KIF27: variants seen among roughly 807,000 people sequenced by gnomAD.
KIF27 encodes kinesin-like protein KIF27.
In KIF27, 84 loss-of-function variants were observed where a neutral mutation model predicts 141.8. That is an observed-to-expected ratio of 0.59 (90% CI 0.50 to 0.71). The LOEUF is 0.71. Ranked by LOEUF, KIF27 falls within the 30% of genes least tolerant of loss-of-function variation. KIF27 has a pLI of 0.00. For synonymous variants in KIF27, 471 were observed against 569.5 expected, an observed-to-expected ratio of 0.83 and a Z score of 2.46; for missense variants, 1,306 against 1,628.4, an observed-to-expected ratio of 0.80 and a Z score of 3.41.
chr9:83,872,953 C>T (rs1159581716), intron 11 of KIF27, among the ~76,000 whole-genome samples: 6 of 152,158 alleles, frequency 3.9e-5, no homozygotes, highest in Non-Finnish European at 5.9e-5. Context: ...AGGAAAGAGA[C>T]CCCAGTTGGA....
chr9:83,842,958 G>T (rs1298469556), intron 16 of KIF27, among the ~76,000 whole-genome samples: 1 of 152,080 alleles, frequency 6.6e-6, no homozygotes, highest in Non-Finnish European at 1.5e-5. Context: ...ACTTTCATAA[G>T]AATTTTTTTG....
intron 13 of KIF27, among the ~76,000 whole-genome samples, chr9:83,865,388 C>G (rs1950273720): frequency 6.6e-6 from 1 of 152,118 alleles, no homozygotes; most frequent in Non-Finnish European, 1.5e-5. Context: ...ACCTCTGCCT[C>G]TCAGGTTCAA....
chr9:83,879,493 A>C (rs1438669210), intron 11 of KIF27, among the ~76,000 whole-genome samples: 3 of 151,774 alleles, frequency 2.0e-5, no homozygotes, highest in Admixed American at 2.0e-4. Context: ...AAAAAAATAA[A>C]ATCTTAATTT....
In KIF27 at chr9:83,889,140, T is replaced by C. The variant is rs191426363; in HGVS notation, c.1923A>G (p.Gln641=). The part of the protein sequence containing the change: ...IEEQDKVLHC[Q]FSDNSDDEES... ...CTTCATCATCACTGTTATCAGAAAA[T>C]TGGCAGTGGAGGACCTTATCTTGTT... Residue 641 remains glutamine, a synonymous_variant, in exon 7 of 18, where the codon CAA becomes CAG. Coordinates refer to ENST00000297814, the MANE Select transcript of KIF27 (RefSeq NM_017576.4). The C allele has an allele frequency of 1.8e-4, 291 of 1,613,896 alleles. No homozygotes were observed. In the East Asian group the frequency reaches 6.3e-3, roughly 35 times the overall value.
chr9:83,906,140 TA>T lies in KIF27; in HGVS notation c.500-2123del, dbSNP rs1954500298. Among the ~76,000 whole-genome samples, 3 of 152,168 alleles carry T rather than the reference TA, an allele frequency of 2.0e-5. No homozygotes were observed. In the South Asian group the frequency reaches 6.2e-4, roughly 32 times the overall value. ...CATTCAATAATTGTATTCCATAAGATAAAGGAGCTCAAAACATCAGTATGAA... is the reference window on the plus strand; with the variant it reads ...CATTCAATAATTGTATTCCATAAGATAAGGAGCTCAAAACATCAGTATGAA... On this transcript the variant is annotated intron_variant, in intron 3 of 17. Coordinates refer to ENST00000297814, the MANE Select transcript of KIF27 (RefSeq NM_017576.4).
At chr9:83,887,743 G>GT (rs995142003) in intron 8 of KIF27, among the ~76,000 whole-genome samples, 1 of 151,788 alleles carries the variant, frequency 6.6e-6, no homozygotes, top group African/African-American at 2.4e-5. Flanking sequence ...TCCGACGTAA[G>GT]TTTTTTTCCT....
At chr9:83,861,408 C>G (rs1451189095) in intron 13 of KIF27, among the ~76,000 whole-genome samples, 6 of 151,872 alleles carry the variant, frequency 4.0e-5, no homozygotes, top group Non-Finnish European at 8.8e-5. Context: ...CAATTCCCAC[C>G]TATGAGTGAG....
intron 1 of KIF27, among the ~76,000 whole-genome samples, chr9:83,920,859 ACGGTGGG>A (rs1422471001): frequency 9.8e-6 from 1 of 102,540 alleles, no homozygotes. Flanking sequence ...TTCAACCTCT[ACGGTGGG>A]AAATGCGCCC....
chr9:83,848,194 GATATATCAGATATGAT>G (rs1947810419), intron 16 of KIF27, among the ~76,000 whole-genome samples: 2 of 72,636 alleles, frequency 2.8e-5, no homozygotes, highest in Non-Finnish European at 5.2e-5. Flanking sequence ...TGATATATAT[GATATATCAGATATGAT>G]ATATATGATA....
At position 83,884,855 on chromosome 9, in the gene KIF27, C is replaced by T. The variant is rs554227556; in HGVS notation, c.2240-837G>A. Among the ~76,000 whole-genome samples, 10 of 152,212 alleles carry T rather than the reference C, an allele frequency of 6.6e-5. 1 individual carries two copies. The highest frequency in any genetic ancestry group is 2.4e-4 in the African/African-American group (10 of 41,538). Reference sequence around the variant, plus strand: ...AGCTAACTCTCTCCTTTTTCACTAACCCGAACTTATTCAAGATTAATTCCT... The same window carrying T: ...AGCTAACTCTCTCCTTTTTCACTAATCCGAACTTATTCAAGATTAATTCCT... On this transcript the variant is annotated intron_variant, in intron 9 of 17. Coordinates refer to ENST00000297814, the MANE Select transcript of KIF27 (RefSeq NM_017576.4).
In KIF27 at chr9:83,835,797, GCCC is replaced by G; in HGVS notation, c.*1201_*1203del. The G allele has an allele frequency of 6.6e-6, 1 of 152,162 alleles. No homozygotes were observed. The highest frequency in any genetic ancestry group is 1.5e-5 in the Non-Finnish European group (1 of 68,034). 9.4% of individuals were successfully genotyped at this position (152,162 alleles called of 1,614,324 possible). On this transcript the variant is annotated 3_prime_UTR_variant, in exon 18 of 18. Coordinates refer to ENST00000297814, the MANE Select transcript of KIF27 (RefSeq NM_017576.4). ...TCCATGTCAGGATGGTTTTGCTACA[GCCC>G]CCAACAAAACATTAATTAGTTTAAG...
Position 83,855,770 on chromosome 9 carries a change from G to A in KIF27, c.3151-1935C>T, listed in dbSNP as rs1459640081. ...GTTCAGTGAGGACTTTACTGTACTT[G>A]ACTTTTGAATTTATACTGTGACTAT... On this transcript the variant is annotated intron_variant, in intron 14 of 17. Coordinates refer to ENST00000297814, the MANE Select transcript of KIF27 (RefSeq NM_017576.4). 2.6e-5 allele frequency among the ~76,000 whole-genome samples: 4 copies of A among 152,024 alleles called. No individual in the cohort carries two copies. In the South Asian group the frequency reaches 6.2e-4, roughly 24 times the overall value.
chr9:83,848,428 C>G (rs968052135), intron 16 of KIF27, among the ~76,000 whole-genome samples: 25 of 131,632 alleles, frequency 1.9e-4, no homozygotes, highest in African/African-American at 6.7e-4. Context: ...ATGTATATAT[C>G]TATATATCAT....
At chr9:83,885,657 G>A (rs1426667491) in intron 9 of KIF27, among the ~76,000 whole-genome samples, 1 of 151,496 alleles carries the variant, frequency 6.6e-6, no homozygotes, top group Non-Finnish European at 1.5e-5. Context: ...TTTTTGAGAC[G>A]GTCTTGCTCT....
intron 5 of KIF27, among the ~76,000 whole-genome samples, chr9:83,893,623 T>C (rs796363424): frequency 7.9e-5 from 12 of 151,726 alleles, no homozygotes; most frequent in African/African-American, 2.9e-4. Flanking sequence ...CTTAGAAATA[T>C]GTAAGCTTAT....
intron 14 of KIF27, chr9:83,858,863 G>A: frequency 2.6e-6 from 1 of 386,360 alleles, no homozygotes; most frequent in South Asian, 3.3e-5. Flanking sequence ...TGTGATTTCA[G>A]ACGAGAAACC....
intron 2 of KIF27, among the ~76,000 whole-genome samples, chr9:83,910,359 A>G (rs1479437794): frequency 6.6e-6 from 1 of 152,248 alleles, no homozygotes; most frequent in Non-Finnish European, 1.5e-5. Context: ...AGTCCTTTGC[A>G]CTAAAATATC....
At chr9:83,913,579 G>A (rs1293886717) in intron 2 of KIF27, among the ~76,000 whole-genome samples, 1 of 152,136 alleles carries the variant, frequency 6.6e-6, no homozygotes, top group Non-Finnish European at 1.5e-5. Flanking sequence ...TGGGATTAGA[G>A]GCATGTGCCA....
chr9:83,855,382 C>T (rs1564306680), intron 14 of KIF27, among the ~76,000 whole-genome samples: 1 of 152,128 alleles, frequency 6.6e-6, no homozygotes, highest in Non-Finnish European at 1.5e-5. Context: ...TGTTCACCAG[C>T]CATTCTATTT....
Sources: gnomAD v4.1 joint callset for allele counts (sites outside exome capture counted in the v4.1 genomes callset) on GRCh38, gnomAD v4.1.1 for gene constraint, MANE v1.5 for transcripts, NCBI Gene and HGNC (gene_info 2026-07-23, HGNC 2026-07-21) for gene names.